XPOT: variants seen among roughly 807,000 people sequenced by gnomAD.
XPOT encodes exportin-T.
Under a neutral mutation model 128.2 loss-of-function variants are expected in XPOT, and 34 were observed. That is an observed-to-expected ratio of 0.27 (90% CI 0.20 to 0.35). The LOEUF (loss-of-function observed/expected upper bound fraction) is 0.35, where lower values mean the gene tolerates loss of function less well. Ranked by LOEUF, XPOT falls within the 10% of genes least tolerant of loss-of-function variation. The pLI is 1.00. For missense variants in XPOT, 838 were observed against 1,125.3 expected (o/e 0.74, Z 3.65); for synonymous variants, 348 against 394.3 (o/e 0.88, Z 1.39).
chr12:64,438,976 G>C (rs1431931146), intron 22 of XPOT, among the ~76,000 whole-genome samples: 1 of 152,154 alleles, frequency 6.6e-6, no homozygotes, highest in Non-Finnish European at 1.5e-5. Context: ...GAGAGGTTAA[G>C]TAACTTGCCC....
intron 11 of XPOT, 72 bp downstream of exon 11, chr12:64,423,316 CTTA>C: frequency 9.3e-7 from 1 of 1,078,800 alleles, no homozygotes; most frequent in East Asian, 2.7e-5. Context: ...ATTTCAAGTT[CTTA>C]TTGTTTCGGG....
intron 19 of XPOT, 51 bp from the exon 20 acceptor site, chr12:64,434,456 C>G: frequency 7.7e-7 from 1 of 1,292,652 alleles, no homozygotes; most frequent in East Asian, 2.3e-5. Flanking sequence ...CTTCAGGTTG[C>G]TTTCCTAGTT....
In XPOT at chr12:64,422,924, G is replaced by A. The variant is rs570578755; in HGVS notation, c.1081-81G>A. ...TCTCAAAAAAAAAAAAAAAAACCAG[G>A]TCTTAATTGATTCGAAAAATGTTCT... On this transcript the variant is annotated intron_variant, in intron 9 of 24. Coordinates refer to ENST00000332707, the MANE Select transcript of XPOT (RefSeq NM_007235.6). 1,106 of 1,362,392 alleles carry A rather than the reference G, an allele frequency of 8.1e-4. 3 individuals are homozygous for A. The highest frequency in any genetic ancestry group is 1.6e-3 in the Admixed American group (73 of 46,006). The allele number at this position is 1,362,392 out of a possible 1,614,324, so 84.4% of individuals were successfully genotyped here.
At chr12:64,415,708 G>A (rs1315603992) in intron 3 of XPOT, among the ~76,000 whole-genome samples, 2 of 152,106 alleles carry the variant, frequency 1.3e-5, no homozygotes, top group Non-Finnish European at 2.9e-5. Context: ...TTAACTTAAG[G>A]TATATAATCA....
At chr12:64,423,281 A>C (rs2040158195) in intron 11 of XPOT, 37 bp downstream of exon 11, 2 of 1,310,850 alleles carry the variant, frequency 1.5e-6, no homozygotes, top group Non-Finnish European at 2.1e-6. Context: ...AAGGAGTTTT[A>C]ATTTTATTAT....
intron 17 of XPOT, among the ~76,000 whole-genome samples, chr12:64,430,768 T>C (rs1003050296): frequency 1.3e-5 from 2 of 152,220 alleles, no homozygotes; most frequent in African/African-American, 4.8e-5. Context: ...TGTTCTATAA[T>C]ATATTTAAGA....
chr12:64,417,603 A>G (rs1479473282), intron 4 of XPOT, among the ~76,000 whole-genome samples: 1 of 152,160 alleles, frequency 6.6e-6, no homozygotes, highest in Non-Finnish European at 1.5e-5. Context: ...TGGAAAAGTC[A>G]GAATATCTGG....
At chr12:64,407,856 TAAG>T (rs891965530) in intron 1 of XPOT, among the ~76,000 whole-genome samples, 5 of 152,224 alleles carry the variant, frequency 3.3e-5, no homozygotes, top group Admixed American at 2.6e-4. Flanking sequence ...TTATGAACCA[TAAG>T]AGAAAGGGCT....
chr12:64,414,026 A>G (rs2040064708), intron 2 of XPOT, among the ~76,000 whole-genome samples: 1 of 152,224 alleles, frequency 6.6e-6, no homozygotes, highest in Non-Finnish European at 1.5e-5. Flanking sequence ...CAAATCATCT[A>G]GCAGTGCTTC....
At chr12:64,409,874 G>A (rs1268606130) in intron 1 of XPOT, 88 bp from the exon 2 acceptor site, 2 of 572,466 alleles carry the variant, frequency 3.5e-6, no homozygotes, top group African/African-American at 1.9e-5. Flanking sequence ...AAGCTTCTTT[G>A]CATGATTTTA....
chr12:64,428,270 T>C (rs566817277), intron 16 of XPOT, 150 bp downstream of exon 16: 20 of 579,088 alleles, frequency 3.5e-5, no homozygotes, highest in African/African-American at 3.2e-4. Context: ...AAAATTCTGT[T>C]GACATAGTAA....
At chr12:64,415,789 C>T (rs927569071) in intron 3 of XPOT, among the ~76,000 whole-genome samples, 7 of 152,098 alleles carry the variant, frequency 4.6e-5, no homozygotes, top group African/African-American at 1.2e-4. Context: ...TCACTTTATT[C>T]GTAGGTTGGT....
At chr12:64,438,826 C>T (rs2040303149) in intron 22 of XPOT, among the ~76,000 whole-genome samples, 1 of 152,076 alleles carries the variant, frequency 6.6e-6, no homozygotes, top group Non-Finnish European at 1.5e-5. Context: ...AACAGGGTTT[C>T]ACCATGTTGG....
chr12:64,424,534 ATGG>A (rs2040172163), intron 11 of XPOT, 62 bp from the exon 12 acceptor site: 1 of 1,585,220 alleles, frequency 6.3e-7, no homozygotes, highest in African/African-American at 1.3e-5. Context: ...ACATGTAGCC[ATGG>A]TGGTTTGCTG....
At chr12:64,433,931 G>A (rs1255283389) in intron 19 of XPOT, among the ~76,000 whole-genome samples, 1 of 152,114 alleles carries the variant, frequency 6.6e-6, no homozygotes, top group African/African-American at 2.4e-5. Flanking sequence ...AAATGGAGCT[G>A]TACAGATTTG....
chr12:64,404,586 C>A lies in XPOT; in HGVS notation c.-293C>A. ...CTTGCTTGCCTGCCTGCCTGCCTGC[C>A]CGGCGCCACGCAAGAGAAGGTGCCA... On this transcript the variant is annotated 5_prime_UTR_variant, in exon 1 of 25. Transcript: ENST00000332707. 6.5e-6 allele frequency: 1 copy of A among 153,988 alleles called. No individual in the cohort carries two copies. The highest frequency in any genetic ancestry group is 1.5e-5 in the Non-Finnish European group (1 of 68,768). 9.5% of individuals were successfully genotyped at this position (153,988 alleles called of 1,614,324 possible).
intron 17 of XPOT, 60 bp from the exon 18 acceptor site, chr12:64,431,478 A>T: frequency 6.6e-7 from 1 of 1,524,980 alleles, no homozygotes; most frequent in Non-Finnish European, 8.9e-7. Flanking sequence ...GCTTTTGAAT[A>T]CTCCATAACA....
chr12:64,445,508 T>G (rs531451555), intron 24 of XPOT, among the ~76,000 whole-genome samples: 1 of 152,242 alleles, frequency 6.6e-6, no homozygotes, highest in South Asian at 2.1e-4. Context: ...AAAAGGAGAA[T>G]CCTCAGATTT....
intron 1 of XPOT, among the ~76,000 whole-genome samples, chr12:64,406,726 T>A (rs1353495231): frequency 2.0e-5 from 3 of 152,130 alleles, no homozygotes; most frequent in Non-Finnish European, 4.4e-5. Context: ...TTATTGGACT[T>A]CTCAATCAGG....
Sources: gnomAD v4.1 joint callset for allele counts (sites outside exome capture counted in the v4.1 genomes callset) on GRCh38, gnomAD v4.1.1 for gene constraint, MANE v1.5 for transcripts, NCBI Gene and HGNC (gene_info 2026-07-23, HGNC 2026-07-21) for gene names.